The following IL1RAPL2 variants were observed in gnomAD, a reference collection of about 807,000 sequenced individuals.
The protein encoded by IL1RAPL2 is X-linked interleukin-1 receptor accessory protein-like 2.
In IL1RAPL2, 3 loss-of-function variants were observed where a neutral mutation model predicts 44.1. That is an observed-to-expected ratio of 0.07 (90% CI 0.03 to 0.18). The LOEUF (loss-of-function observed/expected upper bound fraction) is 0.18, where lower values mean the gene tolerates loss of function less well. Among genes scored for constraint, IL1RAPL2 ranks in the 10% least tolerant of loss-of-function variants. The pLI, the probability that IL1RAPL2 is intolerant of heterozygous loss-of-function variation, is 1.00. For missense variants in IL1RAPL2, 391 were observed against 496.4 expected (o/e 0.79, Z 2.02); for synonymous variants, 181 against 178.8 (o/e 1.01, Z -0.10).
intron 6 of IL1RAPL2, among the ~76,000 whole-genome samples, chrX:105,537,901 G>A (rs2036689299): frequency 9.1e-6 from 1 of 110,299 alleles, no homozygotes; most frequent in African/African-American, 3.3e-5. Context: ...TTCCAAAGGA[G>A]GGTATATCCA....
At chrX:105,320,519 G>T (rs1176741945) in intron 5 of IL1RAPL2, among the ~76,000 whole-genome samples, 4 of 111,644 alleles carry the variant, frequency 3.6e-5, no homozygotes, top group African/African-American at 1.3e-4. Flanking sequence ...GTTGAGAAAG[G>T]CCTGTCTGCC....
intron 5 of IL1RAPL2, among the ~76,000 whole-genome samples, chrX:105,412,892 C>T (rs1016423806): frequency 1.8e-5 from 2 of 111,908 alleles, no homozygotes; most frequent in Non-Finnish European, 3.8e-5. Context: ...TTCTAATTGA[C>T]TTTGATTTTT....
intron 1 of IL1RAPL2, among the ~76,000 whole-genome samples, chrX:104,575,642 G>A (rs1354139053): frequency 8.9e-6 from 1 of 111,909 alleles, no homozygotes; most frequent in Non-Finnish European, 1.9e-5. Context: ...AGCTGCCAGT[G>A]CCACTATCGG....
intron 2 of IL1RAPL2, among the ~76,000 whole-genome samples, chrX:105,093,782 C>G (rs1485113474): frequency 8.9e-6 from 1 of 111,830 alleles, no homozygotes; most frequent in East Asian, 2.8e-4. Flanking sequence ...TAGAGCGAGG[C>G]ACACCAGAGT....
At position 105,012,913 on chromosome X, in the gene IL1RAPL2, A is replaced by G. The variant is rs748830944; in HGVS notation, c.83-182562A>G. ...TGATCTCTGGTGGTAAAACTCATTT[A>G]TCAGTGTGCCAAGTGAAAAGGATTT... On this transcript the variant is annotated intron_variant, in intron 2 of 10. Transcript: ENST00000372582. Among the ~76,000 whole-genome samples, 14 of 110,435 alleles carry G rather than the reference A, an allele frequency of 1.3e-4. No homozygotes were observed. In the South Asian group the frequency reaches 4.7e-3, roughly 37 times the overall value.
At chrX:105,342,561 A>T (rs2035079811) in intron 5 of IL1RAPL2, among the ~76,000 whole-genome samples, 1 of 111,814 alleles carries the variant, frequency 8.9e-6, no homozygotes, top group Non-Finnish European at 1.9e-5. Flanking sequence ...GAAGATCGCT[A>T]GATAGCTTCC....
intron 2 of IL1RAPL2, among the ~76,000 whole-genome samples, chrX:104,884,810 C>T (rs1017355113): frequency 3.7e-4 from 41 of 111,333 alleles, no homozygotes; most frequent in African/African-American, 1.2e-3. Flanking sequence ...CTCAGCTTAC[C>T]CCCATATCCT....
At chrX:104,746,004 T>C (rs1479222396) in intron 2 of IL1RAPL2, among the ~76,000 whole-genome samples, 1 of 111,833 alleles carries the variant, frequency 8.9e-6, no homozygotes, top group Admixed American at 9.5e-5. Context: ...ATTCATTGCG[T>C]AAATCATTTA....
At chrX:104,996,283 T>A (rs1176315452) in intron 2 of IL1RAPL2, among the ~76,000 whole-genome samples, 1 of 111,818 alleles carries the variant, frequency 8.9e-6, no homozygotes, top group Non-Finnish European at 1.9e-5. Context: ...AAAAAACAGA[T>A]CAATGAACCT....
At chrX:105,309,723 C>G in intron 5 of IL1RAPL2, among the ~76,000 whole-genome samples, 1 of 67,812 alleles carries the variant, frequency 1.5e-5, no homozygotes, top group South Asian at 1.1e-3. Flanking sequence ...CAGGGCGAGA[C>G]TCTGTCTCAA....
intron 2 of IL1RAPL2, among the ~76,000 whole-genome samples, chrX:104,676,334 G>T (rs762485588): frequency 4.5e-5 from 5 of 111,145 alleles, no homozygotes; most frequent in African/African-American, 9.9e-5. Flanking sequence ...GTCTGTAAAG[G>T]ATTTTATTTC....
At chrX:104,772,909 T>A (rs961075986) in intron 2 of IL1RAPL2, among the ~76,000 whole-genome samples, 6 of 111,349 alleles carry the variant, frequency 5.4e-5, no homozygotes, top group Non-Finnish European at 9.4e-5. Context: ...AGTACAATTT[T>A]TTCTTTTTCT....
intron 6 of IL1RAPL2, among the ~76,000 whole-genome samples, chrX:105,694,376 TTAG>T (rs2038060372): frequency 8.9e-6 from 1 of 111,778 alleles, no homozygotes; most frequent in Admixed American, 9.5e-5. Context: ...CAAAACATAC[TTAG>T]TAGGTAAAAC....
chrX:105,741,936 TA>T (rs938736018), intron 8 of IL1RAPL2, among the ~76,000 whole-genome samples: 1 of 111,742 alleles, frequency 8.9e-6, no homozygotes, highest in African/African-American at 3.2e-5. Context: ...TTTATTATTA[TA>T]CTGAACTTGG....
chrX:105,572,517 G>C (rs2147811004), intron 6 of IL1RAPL2, among the ~76,000 whole-genome samples: 1 of 111,954 alleles, frequency 8.9e-6, no homozygotes, highest in East Asian at 2.8e-4. Context: ...ACTCAACTTT[G>C]AAAAATTCTA....
chrX:105,761,210 A>G (rs1035025312), intron 10 of IL1RAPL2, among the ~76,000 whole-genome samples: 1 of 98,164 alleles, frequency 1.0e-5, no homozygotes, highest in African/African-American at 3.9e-5. Context: ...AGAAAAAAAA[A>G]CTCTTCCTAT....
At chrX:105,077,951 T>C (rs192968133) in intron 2 of IL1RAPL2, among the ~76,000 whole-genome samples, 2 of 111,633 alleles carry the variant, frequency 1.8e-5, no homozygotes, top group African/African-American at 6.5e-5. Context: ...CTAATTTTTT[T>C]CGAAGTTTTT....
At chrX:104,783,768 T>C (rs1602725702) in intron 2 of IL1RAPL2, among the ~76,000 whole-genome samples, 1 of 107,881 alleles carries the variant, frequency 9.3e-6, no homozygotes, top group East Asian at 2.9e-4. Flanking sequence ...TCATACTAGA[T>C]TTACACATTC....
At chrX:105,740,760 C>A in intron 8 of IL1RAPL2, 69 bp downstream of exon 8, 1 of 1,014,781 alleles carries the variant, frequency 9.9e-7, no homozygotes, top group Non-Finnish European at 1.4e-6. Context: ...AGAGATATTT[C>A]CTGGCTTTAT....
Sources: allele counts gnomAD v4.1 joint callset (sites outside exome capture counted in the v4.1 genomes callset), GRCh38; gene constraint gnomAD v4.1.1; transcripts MANE v1.5; gene names NCBI Gene and HGNC (gene_info 2026-07-23, HGNC 2026-07-21).